The following POTEC variants were observed in gnomAD, a reference collection of about 807,000 sequenced individuals.
POTEC encodes POTE ankyrin domain family member C, also known as ANKRD26-like family B member 2.
POTEC carries 35 observed loss-of-function variants against 62.0 expected under a neutral mutation model. The ratio of observed to expected loss-of-function variants is 0.56; its 90% CI spans 0.43 to 0.75. The LOEUF (loss-of-function observed/expected upper bound fraction) is 0.75, where lower values mean the gene tolerates loss of function less well. Among genes scored for constraint, POTEC ranks in the 30% least tolerant of loss-of-function variants. POTEC has a pLI of 0.00. For missense variants in POTEC, 472 were observed against 655.9 expected, an observed-to-expected ratio of 0.72 and a Z score of 3.06; for synonymous variants, 156 against 221.5, an observed-to-expected ratio of 0.70 and a Z score of 2.62.
chr18:14,513,559 G>A (rs1481414785), intron 10 of POTEC, 103 bp downstream of exon 10: 62 of 1,184,806 alleles, frequency 5.2e-5, no homozygotes, highest in African/African-American at 1.2e-4. Flanking sequence ...ACACACACAC[G>A]TGTGTATATA....
chr18:14,524,840 T>C (rs1477677990), intron 7 of POTEC, 73 bp downstream of exon 7: 1 of 1,516,882 alleles, frequency 6.6e-7, no homozygotes, highest in Non-Finnish European at 8.9e-7. Context: ...GTAATTTCAT[T>C]TGGACTATCT....
Position 14,511,834 on chromosome 18 carries a change from T to C in POTEC, c.*64A>G. The C allele has an allele frequency of 7.3e-7, 1 of 1,360,678 alleles. No individual in the cohort carries two copies. Among genetic ancestry groups the C allele is most frequent in the Non-Finnish European group, 1.1e-6 (1 of 952,082 alleles). 84.3% of individuals were successfully genotyped at this position (1,360,678 alleles called of 1,614,324 possible). Reference sequence around the variant, plus strand: ...CCTTAGAAGTTTATCAGTCTTTTCTTTCACACTTTCAATTTCCTCCAAAAT... The same window carrying C: ...CCTTAGAAGTTTATCAGTCTTTTCTCTCACACTTTCAATTTCCTCCAAAAT... On this transcript the variant is annotated 3_prime_UTR_variant, in exon 11 of 11. Coordinates refer to ENST00000358970, the MANE Select transcript of POTEC (RefSeq NM_001137671.2).
chr18:14,524,047 T>C (rs1198786783), intron 7 of POTEC, among the ~76,000 whole-genome samples: 6 of 152,148 alleles, frequency 3.9e-5, no homozygotes, highest in Admixed American at 3.9e-4. Context: ...GAAATGCAAA[T>C]TCTTAAATTT....
At chr18:14,528,117 G>A (rs1201753416) in intron 6 of POTEC, 2 of 152,154 alleles carry the variant, frequency 1.3e-5, no homozygotes, top group African/African-American at 4.8e-5. Flanking sequence ...TGGTTAAGTA[G>A]ATATGACAGA....
intron 9 of POTEC, among the ~76,000 whole-genome samples, chr18:14,521,602 T>C (rs574800148): frequency 2.0e-4 from 30 of 152,258 alleles, no homozygotes; most frequent in African/African-American, 6.7e-4. Flanking sequence ...CCTTACTATG[T>C]TATATATATG....
intron 8 of POTEC, 83 bp downstream of exon 8, chr18:14,523,380 G>A: frequency 3.9e-6 from 5 of 1,292,736 alleles, no homozygotes; most frequent in Non-Finnish European, 5.3e-6. Flanking sequence ...ATAGGATCAT[G>A]TATGCCTACA....
intron 4 of POTEC, among the ~76,000 whole-genome samples, chr18:14,533,579 A>G (rs1453386817): frequency 6.6e-6 from 1 of 152,188 alleles, no homozygotes; most frequent in Non-Finnish European, 1.5e-5. Flanking sequence ...GGGGTAAGAT[A>G]AATAAGAGCT....
At chr18:14,533,945 T>C (rs2143154670) in intron 4 of POTEC, among the ~76,000 whole-genome samples, 1 of 151,810 alleles carries the variant, frequency 6.6e-6, no homozygotes, top group African/African-American at 2.4e-5. Context: ...TAATTATACT[T>C]TAAGTTTTAG....
chr18:14,531,805 T>A (rs1323010664), intron 5 of POTEC: 1 of 152,052 alleles, frequency 6.6e-6, no homozygotes, highest in Non-Finnish European at 1.5e-5. Flanking sequence ...TTACACATGA[T>A]TTGTGATGAG....
chr18:14,535,365 G>C (rs1221861086), intron 3 of POTEC, among the ~76,000 whole-genome samples: 1 of 150,442 alleles, frequency 6.6e-6, no homozygotes, highest in Non-Finnish European at 1.5e-5. Context: ...CCAACCCTAA[G>C]ACAAAATTGT....
Position 14,513,677 on chromosome 18 carries a change from C to T in POTEC, c.1518G>A (p.Lys506=), listed in dbSNP as rs372915751. Residue 506 remains lysine, a synonymous_variant, in exon 10 of 11, where the codon AAG becomes AAA. Coordinates refer to ENST00000358970, the MANE Select transcript of POTEC (RefSeq NM_001137671.2). The stretch of plus-strand genomic sequence containing the variant: ...AAGAAAATACCTCAGAATTCATTTT[C>T]TTTTCAGCCACTTCTATCTGCTTTT... The part of the protein sequence containing the change: ...NKQKQIEVAE[K]KMNSELSLSH... 799 of 1,611,858 alleles carry T rather than the reference C, an allele frequency of 5.0e-4. 3 individuals are homozygous for T. In the African/African-American group the frequency reaches 9.6e-3, roughly 19 times the overall value.
intron 9 of POTEC, among the ~76,000 whole-genome samples, chr18:14,520,003 T>G (rs2143122851): frequency 6.6e-6 from 1 of 152,240 alleles, no homozygotes; most frequent in South Asian, 2.1e-4. Context: ...AGTGATAATC[T>G]TGAGGAAAAA....
rs1297252178 is a variant in POTEC at position 14,509,819 on chromosome 18, C to T, written c.*2079G>A. 1 of 144,298 alleles carries T rather than the reference C, an allele frequency of 6.9e-6. No homozygotes were observed. The highest frequency in any genetic ancestry group is 2.6e-5 in the African/African-American group (1 of 38,194). The allele number at this position is 144,298 out of a possible 1,614,324, so 8.9% of individuals were successfully genotyped here. A position where few individuals can be genotyped will look rare whatever the true frequency, so the allele number is the denominator to read the frequency against. Reference sequence around the variant, plus strand: ...AGGAGAACTCTCTCAAAAGTGAATCCTCAGCACAGCACAACTGCTCTACAC... The same window carrying T: ...AGGAGAACTCTCTCAAAAGTGAATCTTCAGCACAGCACAACTGCTCTACAC... On this transcript the variant is annotated 3_prime_UTR_variant, in exon 11 of 11. Transcript: ENST00000358970.
rs1909977924 is a variant in POTEC, at chr18:14,510,591, G to A, written c.*1307C>T. 1 of 152,308 alleles carries A rather than the reference G, an allele frequency of 6.6e-6. No individual in the cohort carries two copies. Among genetic ancestry groups the A allele is most frequent in the Non-Finnish European group, 1.5e-5 (1 of 68,148 alleles). The allele number at this position is 152,308 out of a possible 1,614,324, so 9.4% of individuals were successfully genotyped here. A position where few individuals can be genotyped will look rare whatever the true frequency, so the allele number is the denominator to read the frequency against. ...GCTGAAGGTATCAGCAGTGAAGCCTGAGAAAAAGCAAAGACGATAGCCTGC... is the reference window on the plus strand; with the variant it reads ...GCTGAAGGTATCAGCAGTGAAGCCTAAGAAAAAGCAAAGACGATAGCCTGC... On this transcript the variant is annotated 3_prime_UTR_variant, in exon 11 of 11. Coordinates refer to ENST00000358970, the MANE Select transcript of POTEC (RefSeq NM_001137671.2).
chr18:14,538,729 A>G (rs1598482320), intron 1 of POTEC, among the ~76,000 whole-genome samples: 1 of 152,364 alleles, frequency 6.6e-6, no homozygotes, highest in East Asian at 1.9e-4. Context: ...CGATACAATT[A>G]AACCTACACT....
chr18:14,513,309 C>T lies in POTEC; in HGVS notation c.1533+353G>A, dbSNP rs567176685. 2.6e-5 allele frequency among the ~76,000 whole-genome samples: 4 copies of T among 152,230 alleles called. No homozygotes were observed. The South Asian group carries it at 8.3e-4, about 32-fold the overall frequency. On this transcript the variant is annotated intron_variant, in intron 10 of 10. Coordinates refer to ENST00000358970, the MANE Select transcript of POTEC (RefSeq NM_001137671.2). ...TAATATTTTAAAAAGAACGAATGTCCCAAAACTAGCAAATCTGTTGTTAGT... is the reference window on the plus strand; with the variant it reads ...TAATATTTTAAAAAGAACGAATGTCTCAAAACTAGCAAATCTGTTGTTAGT...
chr18:14,512,303 A>G (rs1346741424), intron 10 of POTEC, among the ~76,000 whole-genome samples: 1 of 152,234 alleles, frequency 6.6e-6, no homozygotes, highest in African/African-American at 2.4e-5. Flanking sequence ...ATTTGGCTAC[A>G]TTTTTTAAAT....
Position 14,513,650 on chromosome 18 carries a change from T to G in POTEC, c.1533+12A>C. On this transcript the variant is annotated intron_variant, in intron 10 of 10. Coordinates refer to ENST00000358970, the MANE Select transcript of POTEC (RefSeq NM_001137671.2). ...ACATATGAAAACATTTGAAAATGACTAAAGAAAATACCTCAGAATTCATTT... is the reference window on the plus strand; with the variant it reads ...ACATATGAAAACATTTGAAAATGACGAAAGAAAATACCTCAGAATTCATTT... 3 of 1,611,004 alleles carry G rather than the reference T, an allele frequency of 1.9e-6. No individual in the cohort carries two copies. The highest frequency in any genetic ancestry group is 1.1e-5 in the South Asian group (1 of 90,592).
At position 14,543,204 on chromosome 18, in the gene POTEC, G is replaced by C. The variant is rs1359882095; in HGVS notation, c.-58C>G. 37 of 1,607,490 alleles carry C rather than the reference G, an allele frequency of 2.3e-5. No homozygotes were observed. Among genetic ancestry groups the C allele is most frequent in the Non-Finnish European group, 3.0e-5 (35 of 1,176,110 alleles). On this transcript the variant is annotated 5_prime_UTR_variant, in exon 1 of 11. Coordinates refer to ENST00000358970, the MANE Select transcript of POTEC (RefSeq NM_001137671.2). ...GCGAACAGATCGCGTCTACCAACCA[G>C]TTTCACCAACTAGCAGGAAACCCTG...
Sources: gnomAD v4.1 joint callset for allele counts (sites outside exome capture counted in the v4.1 genomes callset) on GRCh38, gnomAD v4.1.1 for gene constraint, MANE v1.5 for transcripts, NCBI Gene and HGNC (gene_info 2026-07-23, HGNC 2026-07-21) for gene names.